NCSTN: variants seen among roughly 807,000 people sequenced by gnomAD.
The protein encoded by NCSTN is nicastrin.
A neutral mutation model predicts 87.0 loss-of-function variants in NCSTN; 22 were observed. The observed-to-expected ratio is 0.25, with a 90% CI of 0.18 to 0.36. NCSTN has a LOEUF of 0.36. Ranked by LOEUF, NCSTN falls within the 10% of genes least tolerant of loss-of-function variation. The probability of loss-of-function intolerance (pLI) is 1.00; values close to 1 mark genes in which losing one functional copy is unlikely to be tolerated. For synonymous variants in NCSTN, 306 were observed against 327.1 expected (o/e 0.94, Z 0.69); for missense variants, 693 against 883.3 (o/e 0.78, Z 2.73).
At chr1:160,349,343 C>T (rs2101898378) in intron 3 of NCSTN, 2 of 922,322 alleles carry the variant, frequency 2.2e-6, no homozygotes, top group Non-Finnish European at 3.4e-6. Flanking sequence ...GGCATCCCTC[C>T]CCTCCCTCCC....
rs1422242979 is a variant in NCSTN at position 160,357,226 on chromosome 1, A to G, written c.1980A>G (p.Ile660Met). 1.9e-6 allele frequency: 3 copies of G among 1,613,962 alleles called. No individual in the cohort carries two copies. In the East Asian group the frequency reaches 6.7e-5, roughly 36 times the overall value. ...ESRWKDIRAR[I>M]FLIASKELEL... is the part of the protein sequence containing the mutation. ...GCTGGAAAGATATCCGTGCCCGGAT[A>G]TTTCTCATCGCCAGCAAAGAGCTTG... Residue 660 changes from isoleucine to methionine, a missense_variant, in exon 16 of 17, where the codon ATA becomes ATG. Transcript: ENST00000294785.
In NCSTN at chr1:160,349,070, G is replaced by A; in HGVS notation, c.262G>A (p.Asp88Asn). The A allele has an allele frequency of 6.2e-7, 1 of 1,614,188 alleles. No individual in the cohort carries two copies. The highest frequency in any genetic ancestry group is 8.5e-7 in the Non-Finnish European group (1 of 1,180,012). The change falls in exon 3 of 17, where the codon GAT becomes AAT. Residue 88 changes from aspartate to asparagine, a missense_variant. Physicochemically the swap from Asp to Asn is conservative, Grantham distance 23. Around this residue, in one of 4 missense-constraint regions of NCSTN, gnomAD observed 235 missense variants for 233.9 expected, o/e 1.00. Transcript: ENST00000294785. ...KEEDLQWVLT[D>N]GPNPPYMVLL... ...GGAGGACCTACAGTGGGTATTGACTGATGGCCCCAACCCCCCTTACATGGT... is the reference window on the plus strand; with the variant it reads ...GGAGGACCTACAGTGGGTATTGACTAATGGCCCCAACCCCCCTTACATGGT...
intron 16 of NCSTN, 24 bp downstream of exon 16, chr1:160,357,277 T>C (rs1453101221): frequency 2.5e-6 from 4 of 1,591,826 alleles, no homozygotes; most frequent in Non-Finnish European, 3.4e-6. Context: ...GGGGCATAGG[T>C]GGCAGGGATC....
chr1:160,353,547 T>C, intron 10 of NCSTN: 1 of 1,273,718 alleles, frequency 7.9e-7, no homozygotes, highest in Non-Finnish European at 1.0e-6. Flanking sequence ...ATGGATCCAA[T>C]TGTCAAGGCT....
chr1:160,349,972 ATGC>A, intron 4 of NCSTN, 130 bp from the exon 5 acceptor site: 2 of 1,138,720 alleles, frequency 1.8e-6, no homozygotes, highest in Non-Finnish European at 2.7e-6. Flanking sequence ...AATAGACTTC[ATGC>A]CTACTTCTTT....
chr1:160,356,701 C>G lies in NCSTN; in HGVS notation c.1741C>G (p.Leu581Val). The change falls in exon 15 of 17, where the codon CTC (leucine) becomes GTC (valine). Residue 581 changes from leucine to valine, a missense_variant. Coordinates refer to ENST00000294785, the MANE Select transcript of NCSTN (RefSeq NM_015331.3). ...AAATTTGACTGGCACAGTGGTCAAC[C>G]TCACCCGAGAGCAGTGCCAGGATCC... ...LANLTGTVVN[L>V]TREQCQDPSK... 1 of 1,614,232 alleles carries G rather than the reference C, an allele frequency of 6.2e-7. No homozygotes were observed. Among genetic ancestry groups the G allele is most frequent in the Non-Finnish European group, 8.5e-7 (1 of 1,180,044 alleles).
chr1:160,356,442 T>C (rs1649133490), intron 14 of NCSTN, 95 bp downstream of exon 14: 1 of 1,423,604 alleles, frequency 7.0e-7, no homozygotes, highest in South Asian at 1.2e-5. Context: ...TTCTTTTTCC[T>C]CTCTGTTTTT....
In NCSTN at chr1:160,353,179, T is replaced by C; in HGVS notation, c.1121T>C (p.Leu374Ser). Residue 374 changes from leucine to serine, a missense_variant, in exon 10 of 17, where the codon TTA becomes TCA. Physicochemically the swap from Leu to Ser is moderately radical, Grantham distance 145. Transcript: ENST00000294785. ...ELGQVALRTS[L>S]ELWMHTDPVS... Reference sequence around the variant, plus strand: ...CCCCAGGTGGCCTTAAGAACTTCATTAGAGCTTTGGATGCACACAGATCCT... The same window carrying C: ...CCCCAGGTGGCCTTAAGAACTTCATCAGAGCTTTGGATGCACACAGATCCT... 1 of 1,614,100 alleles carries C rather than the reference T, an allele frequency of 6.2e-7. No homozygotes were observed. Among genetic ancestry groups the C allele is most frequent in the Non-Finnish European group, 8.5e-7 (1 of 1,180,002 alleles).
chr1:160,356,618 A>G lies in NCSTN; in HGVS notation c.1658A>G (p.His553Arg), dbSNP rs1292182709. 4 of 1,614,094 alleles carry G rather than the reference A, an allele frequency of 2.5e-6. No individual in the cohort carries two copies. The highest frequency in any genetic ancestry group is 1.7e-5 in the Admixed American group (1 of 60,010). The change falls in exon 15 of 17, where the codon CAT (histidine) becomes CGT (arginine). Residue 553 changes from histidine (H) to arginine (R), a missense_variant. This residue lies in a region of NCSTN where 216 missense variants were observed against 311.7 expected (regional missense o/e 0.69). Transcript: ENST00000294785. Reference sequence around the variant, plus strand: ...CACTCAGGTGACGGGCCTCTTCAACATTACATCGCTGTCTCCAGCCCCACC... The same window carrying G: ...CACTCAGGTGACGGGCCTCTTCAACGTTACATCGCTGTCTCCAGCCCCACC... Reference protein sequence around the residue: ...RSYLGDGPLQHYIAVSSPTNT... With the variant: ...RSYLGDGPLQRYIAVSSPTNT...
In NCSTN at chr1:160,356,325, G is replaced by T. The variant is rs773741910; in HGVS notation, c.1617G>T (p.Arg539Ser). The part of the protein sequence containing the change: ...ANNSWFQSIL[R>S]QDLRSYLGDG... The stretch of plus-strand genomic sequence containing the variant: ...ACTCATGGTTCCAGTCTATCCTCAG[G>T]CAGGACCTAAGGTCCTACTTGGGTA... Residue 539 changes from arginine to serine, a missense_variant, in exon 14 of 17, where the codon AGG becomes AGT. This residue lies in a region of NCSTN where 216 missense variants were observed against 311.7 expected (regional missense o/e 0.69). Coordinates refer to ENST00000294785, the MANE Select transcript of NCSTN (RefSeq NM_015331.3). 5.0e-6 allele frequency: 8 copies of T among 1,613,038 alleles called. No individual in the cohort carries two copies. Among genetic ancestry groups the T allele is most frequent in the Non-Finnish European group, 6.8e-6 (8 of 1,178,956 alleles).
At position 160,349,108 on chromosome 1, in the gene NCSTN, C is replaced by T; in HGVS notation, c.300C>T (p.Ser100=). The part of the protein sequence containing the change: ...PNPPYMVLLE[S]KHFTRDLMEK... ...CCCCTTACATGGTTCTGCTGGAGAGCAAGCATTTTACCAGGTAAGAACTAG... is the reference window on the plus strand; with the variant it reads ...CCCCTTACATGGTTCTGCTGGAGAGTAAGCATTTTACCAGGTAAGAACTAG... Residue 100 remains serine (S), a synonymous_variant, in exon 3 of 17, where the codon AGC becomes AGT. Coordinates refer to ENST00000294785, the MANE Select transcript of NCSTN (RefSeq NM_015331.3). The T allele has an allele frequency of 6.2e-7, 1 of 1,614,130 alleles. No homozygotes were observed. The highest frequency in any genetic ancestry group is 8.5e-7 in the Non-Finnish European group (1 of 1,180,012).
At chr1:160,355,517 G>T in intron 11 of NCSTN, 138 bp from the exon 12 acceptor site, 1 of 719,016 alleles carries the variant, frequency 1.4e-6, no homozygotes, top group Admixed American at 2.0e-5. Flanking sequence ...CTGCAATATG[G>T]GATCCTGATT....
intron 5 of NCSTN, among the ~76,000 whole-genome samples, chr1:160,350,958 ATTGG>A (rs151218225): frequency 6.3e-4 from 96 of 152,274 alleles, no homozygotes; most frequent in African/African-American, 2.2e-3. Flanking sequence ...GAAGCTTCAA[ATTGG>A]GCCAGGCCAT....
intron 9 of NCSTN, 80 bp downstream of exon 9, chr1:160,353,071 C>A: frequency 6.4e-7 from 1 of 1,572,052 alleles, no homozygotes; most frequent in Non-Finnish European, 8.8e-7. Context: ...ACTGCAGGAA[C>A]CACCGCCTCT....
At chr1:160,357,401 C>A in intron 16 of NCSTN, 148 bp downstream of exon 16, 1 of 830,336 alleles carries the variant, frequency 1.2e-6, no homozygotes, top group Non-Finnish European at 1.9e-6. Context: ...CCAGCATGTT[C>A]CCTTAGGAGG....
In NCSTN at chr1:160,357,137, T is replaced by G; in HGVS notation, c.1891T>G (p.Leu631Val). 6.2e-7 allele frequency: 1 copy of G among 1,614,176 alleles called. No individual in the cohort carries two copies. Among genetic ancestry groups the G allele is most frequent in the Non-Finnish European group, 8.5e-7 (1 of 1,180,020 alleles). The change falls in exon 16 of 17, where the codon TTG (leucine) becomes GTG (valine). Residue 631 changes from leucine to valine, a missense_variant. By Grantham distance (32) the Leu-to-Val change is conservative (BLOSUM62 1). Coordinates refer to ENST00000294785, the MANE Select transcript of NCSTN (RefSeq NM_015331.3). ...TTCTACTGCACGATTAGCCAGGGCC[T>G]TGTCTCCTGCCTTTGAACTGAGTCA... ...VRSTARLARALSPAFELSQWS... is the reference protein window; with the variant it reads ...VRSTARLARAVSPAFELSQWS...
In NCSTN at chr1:160,351,230, A is replaced by G. The variant is rs748459697; in HGVS notation, c.591A>G (p.Gln197=). Residue 197 remains glutamine (Q), a synonymous_variant, in exon 6 of 17, where the codon CAA becomes CAG. Coordinates refer to ENST00000294785, the MANE Select transcript of NCSTN (RefSeq NM_015331.3). ...NETKVIKQCY[Q]DHNLSQNGSA... is the part of the protein sequence containing the mutation. ...TCCATCTCCCCTTTCAGTGCTATCA[A>G]GATCACAACCTGAGTCAGAATGGCT... 1 of 1,614,164 alleles carries G rather than the reference A, an allele frequency of 6.2e-7. No homozygotes were observed. The highest frequency in any genetic ancestry group is 8.5e-7 in the Non-Finnish European group (1 of 1,180,014).
rs143594377 is a variant in NCSTN at position 160,354,149 on chromosome 1, G to A, written c.1211G>A (p.Ser404Asn). 21 of 1,614,154 alleles carry A rather than the reference G, an allele frequency of 1.3e-5. No homozygotes were observed. Among genetic ancestry groups the A allele is most frequent in the Admixed American group, 1.2e-4 (7 of 60,022 alleles). Residue 404 changes from serine (S) to asparagine (N), a missense_variant, in exon 11 of 17, where the codon AGT becomes AAT. Transcript: ENST00000294785. ...GATCTCCTGGCCACATTGGAGAAGA[G>A]TGGTGCTGGTGTCCCTGCTGTCATC... ...VEDLLATLEKSGAGVPAVILR... is the reference protein window; with the variant it reads ...VEDLLATLEKNGAGVPAVILR...
Position 160,356,346 on chromosome 1 carries a change from G to C in NCSTN, c.1638G>C (p.Leu546Phe). The C allele has an allele frequency of 6.2e-7, 1 of 1,606,238 alleles. No individual in the cohort carries two copies. The highest frequency in any genetic ancestry group is 8.5e-7 in the Non-Finnish European group (1 of 1,172,696). Residue 546 changes from leucine to phenylalanine, a missense_variant and splice_region_variant, in exon 14 of 17, where the codon TTG becomes TTC. Physicochemically the swap from Leu to Phe is conservative, Grantham distance 22. Around this residue, in one of 4 missense-constraint regions of NCSTN, gnomAD observed 216 missense variants for 311.7 expected, o/e 0.69. Transcript: ENST00000294785. ...TCAGGCAGGACCTAAGGTCCTACTT[G>C]GGTAAGCATCTGGTGTGGGAATGGG... ...SILRQDLRSY[L>F]GDGPLQHYIA...
Sources: allele counts gnomAD v4.1 joint callset (sites outside exome capture counted in the v4.1 genomes callset), GRCh38; gene constraint gnomAD v4.1.1; regional missense constraint gnomAD v4.1.1; transcripts MANE v1.5; gene names NCBI Gene and HGNC (gene_info 2026-07-23, HGNC 2026-07-21).